The following CAPS2 variants were observed in gnomAD, a reference collection of about 807,000 sequenced individuals.
CAPS2 encodes calcyphosine 2.
A neutral mutation model predicts 86.5 loss-of-function variants in CAPS2; 98 were observed. The observed-to-expected ratio is 1.13, with a 90% CI of 0.96 to 1.34. The LOEUF (loss-of-function observed/expected upper bound fraction) is 1.34, where lower values mean the gene tolerates loss of function less well. CAPS2 is among the 40% of genes most tolerant of loss of function. CAPS2 has a pLI of 0.00. For missense variants in CAPS2, 729 were observed against 686.8 expected, an observed-to-expected ratio of 1.06 and a Z score of -0.69; for synonymous variants, 210 against 225.1, an observed-to-expected ratio of 0.93 and a Z score of 0.60.
At chr12:75,302,310 A>C (rs1194774581) in intron 8 of CAPS2, among the ~76,000 whole-genome samples, 1 of 152,250 alleles carries the variant, frequency 6.6e-6, no homozygotes, top group Non-Finnish European at 1.5e-5. Flanking sequence ...AATACTAATT[A>C]AGATAGGATA....
intron 15 of CAPS2, 125 bp from the exon 16 acceptor site, chr12:75,282,472 C>T (rs1448186960): frequency 4.7e-6 from 3 of 644,224 alleles, no homozygotes; most frequent in South Asian, 1.8e-5. Flanking sequence ...CTGCAATCTC[C>T]GCCTCCCAGG....
intron 1 of CAPS2, among the ~76,000 whole-genome samples, chr12:75,388,262 G>A (rs1330788672): frequency 1.3e-5 from 2 of 152,156 alleles, no homozygotes; most frequent in Non-Finnish European, 2.9e-5. Context: ...ATGATTGCGA[G>A]GGCTCCCAGC....
intron 6 of CAPS2, 64 bp downstream of exon 6, chr12:75,316,248 T>TA: frequency 6.5e-7 from 1 of 1,532,020 alleles, no homozygotes; most frequent in Non-Finnish European, 8.8e-7. Flanking sequence ...ATTCAGTCTT[T>TA]AAAATCTTAG....
chr12:75,361,839 T>G (rs2043617288), intron 1 of CAPS2, among the ~76,000 whole-genome samples: 1 of 152,062 alleles, frequency 6.6e-6, no homozygotes. Context: ...CCTCAACACA[T>G]GGGAATTACA....
intron 1 of CAPS2, among the ~76,000 whole-genome samples, chr12:75,341,122 G>C (rs1033498398): frequency 6.6e-6 from 1 of 151,360 alleles, no homozygotes; most frequent in Non-Finnish European, 1.5e-5. Context: ...TTTTTTCCTA[G>C]AAAAAGGAAA....
rs1185408752 is a variant in CAPS2 at position 75,341,747 on chromosome 12, CTTTTTTTT to C, written c.-394-18533_-394-18526del. 1.3e-4 allele frequency among the ~76,000 whole-genome samples: 11 copies of C among 83,406 alleles called. No homozygotes were observed. In the South Asian group the frequency reaches 4.1e-3, roughly 31 times the overall value. 54.7% of individuals were successfully genotyped at this position (83,406 alleles called of 152,430 possible). On this transcript the variant is annotated intron_variant, in intron 1 of 5. Transcript: ENST00000551829. ...AGGCGTGAGCCACCGCGCCCGGCCT[CTTTTTTTT>C]TTTTTTTTTTTTTTTTGAGATGGAG...
In CAPS2 at chr12:75,306,126, C is replaced by T. The variant is rs550841720; in HGVS notation, c.660-1250G>A. On this transcript the variant is annotated intron_variant, in intron 7 of 16. Transcript: ENST00000393284. ...GCACTCCACCTTCCACATTCGGGAA[C>T]GTGCGGAAGCTCATCACCGAGGAGT... 2.5e-5 allele frequency: 30 copies of T among 1,191,482 alleles called. No individual in the cohort carries two copies. The East Asian group carries it at 5.4e-4, about 21-fold the overall frequency. The allele number at this position is 1,191,482 out of a possible 1,614,324, so 73.8% of individuals were successfully genotyped here. A position where few individuals can be genotyped will look rare whatever the true frequency, so the allele number is the denominator to read the frequency against.
chr12:75,368,039 A>G (rs1276603041), intron 1 of CAPS2, among the ~76,000 whole-genome samples: 2 of 151,494 alleles, frequency 1.3e-5, no homozygotes, highest in African/African-American at 2.4e-5. Flanking sequence ...ATCTCTTGAA[A>G]TAATGCTATT....
chr12:75,360,899 T>A (rs2043537820), intron 1 of CAPS2: 1 of 152,172 alleles, frequency 6.6e-6, no homozygotes, highest in Non-Finnish European at 1.5e-5. Flanking sequence ...AGGTTTCCAA[T>A]CTTCAATTCT....
intron 7 of CAPS2, among the ~76,000 whole-genome samples, chr12:75,311,700 G>GAAAAAAAAAAAAAA (rs1306107054): frequency 1.5e-4 from 1 of 6,702 alleles, no homozygotes; most frequent in African/African-American, 4.0e-4. Flanking sequence ...AGCCATGCAG[G>GAAAAAAAAAAAAAA]AAAAAAAAAA....
At chr12:75,301,108 A>G (rs2037760854) in intron 8 of CAPS2, among the ~76,000 whole-genome samples, 1 of 152,062 alleles carries the variant, frequency 6.6e-6, no homozygotes, top group African/African-American at 2.4e-5. Context: ...AAACCAAAAC[A>G]CCCTACTGCC....
At position 75,343,997 on chromosome 12, in the gene CAPS2, A is replaced by T. The variant is rs2042289138; in HGVS notation, c.-394-20775T>A. 1.9e-5 allele frequency: 26 copies of T among 1,400,764 alleles called. No individual in the cohort carries two copies. The South Asian group carries it at 3.1e-4, about 17-fold the overall frequency. The allele number at this position is 1,400,764 out of a possible 1,614,324, so 86.8% of individuals were successfully genotyped here. A position where few individuals can be genotyped will look rare whatever the true frequency, so the allele number is the denominator to read the frequency against. ...ATTTGTGCATATTTTAATTGCCAGA[A>T]TTTATTTCTCTGTATGTAAAGTGCC... On this transcript the variant is annotated intron_variant, in intron 1 of 5. Coordinates refer to the CAPS2 transcript ENST00000551829.
upstream of CAPS2, chr12:75,334,350 TGGCCC>T: frequency 8.3e-6 from 3 of 360,248 alleles, no homozygotes; most frequent in South Asian, 1.9e-4. Flanking sequence ...TGCACTCGAC[TGGCCC>T]ATTGTCAGCA....
intron 13 of CAPS2, among the ~76,000 whole-genome samples, 182 bp downstream of exon 13, chr12:75,291,562 T>A (rs868532979): frequency 5.7e-5 from 5 of 88,482 alleles, no homozygotes; most frequent in African/African-American, 1.0e-4. Flanking sequence ...AGCTTATTTT[T>A]AAAAGTATAT....
chr12:75,331,195 C>T (rs1253167145), upstream of CAPS2, among the ~76,000 whole-genome samples: 1 of 152,168 alleles, frequency 6.6e-6, no homozygotes, highest in African/African-American at 2.4e-5. Flanking sequence ...CTCTAATATG[C>T]ACTAACTTTC....
At chr12:75,327,400 G>A (rs1034705122), upstream of CAPS2, among the ~76,000 whole-genome samples, 2 of 152,054 alleles carry the variant, frequency 1.3e-5, no homozygotes, top group Non-Finnish European at 2.9e-5. Flanking sequence ...GATATTGAAA[G>A]TAATCAACTT....
At chr12:75,360,503 A>T (rs548811608) in intron 1 of CAPS2, 29 of 152,320 alleles carry the variant, frequency 1.9e-4, no homozygotes, top group African/African-American at 7.0e-4. Context: ...ACAAGTCCAA[A>T]ATCCAGTGGG....
intron 1 of CAPS2, chr12:75,363,041 C>A (rs996904511): frequency 1.4e-5 from 11 of 788,780 alleles, no homozygotes; most frequent in Non-Finnish European, 2.1e-5. Flanking sequence ...TGCATACATG[C>A]ATGAACAAAA....
intron 7 of CAPS2, among the ~76,000 whole-genome samples, chr12:75,310,236 T>C (rs980954755): frequency 6.6e-6 from 1 of 151,996 alleles, no homozygotes; most frequent in Non-Finnish European, 1.5e-5. Context: ...AAAAAAGAAA[T>C]GGTAAGAAGA....
Sources: allele counts gnomAD v4.1 joint callset (sites outside exome capture counted in the v4.1 genomes callset), GRCh38; gene constraint gnomAD v4.1.1; transcripts MANE v1.5; gene names NCBI Gene and HGNC (gene_info 2026-07-23, HGNC 2026-07-21).